IQSEC2: variants seen among roughly 807,000 people sequenced by gnomAD.
IQSEC2 encodes the protein IQ motif and Sec7 domain ArfGEF 2.
Under a neutral mutation model 74.6 loss-of-function variants are expected in IQSEC2, and 6 were observed. The ratio of observed to expected loss-of-function variants is 0.08; its 90% CI spans 0.04 to 0.16. The LOEUF (loss-of-function observed/expected upper bound fraction) is 0.16. IQSEC2 is among the 10% of genes least tolerant of loss of function. The pLI, the probability that IQSEC2 is intolerant of heterozygous loss-of-function variation, is 1.00. For missense variants in IQSEC2, 734 were observed against 1,306.2 expected (o/e 0.56, Z 6.75); for synonymous variants, 494 against 544.5 (o/e 0.91, Z 1.29).
intron 1 of IQSEC2, among the ~76,000 whole-genome samples, chrX:53,315,953 C>G (rs1249903100): frequency 8.9e-6 from 1 of 111,812 alleles, no homozygotes; most frequent in East Asian, 2.8e-4. Flanking sequence ...TTCCATACCC[C>G]TCATCCCTCA....
chrX:53,317,671 T>C (rs371577665), intron 1 of IQSEC2, among the ~76,000 whole-genome samples: 14 of 112,025 alleles, frequency 1.2e-4, no homozygotes, highest in African/African-American at 4.5e-4. Context: ...AGGGGGAGCC[T>C]GGGGACCAAG....
At chrX:53,303,200 C>CA (rs374516627) in intron 1 of IQSEC2, among the ~76,000 whole-genome samples, 7,597 of 63,145 alleles carry the variant, frequency 0.12, 595 homozygotes, top group African/African-American at 0.29. Context: ...GAGACTCTGT[C>CA]AAAAAAAAAA....
chrX:53,267,801 G>A (rs182895551), intron 2 of IQSEC2, among the ~76,000 whole-genome samples: 4 of 111,962 alleles, frequency 3.6e-5, no homozygotes, highest in African/African-American at 1.3e-4. Context: ...CAGTTTCCTC[G>A]TCTGTAAAAA....
At chrX:53,275,093 C>T (rs1233138935) in intron 2 of IQSEC2, among the ~76,000 whole-genome samples, 1 of 111,567 alleles carries the variant, frequency 9.0e-6, no homozygotes, top group African/African-American at 3.3e-5. Context: ...TTAAGTCATG[C>T]TCAGGAAGGC....
chrX:53,227,570 A>G (rs140593973), downstream of IQSEC2: 326 of 304,875 alleles, frequency 1.1e-3, no homozygotes, highest in African/African-American at 8.2e-3. Flanking sequence ...TGGACTGCCC[A>G]TCGGGCAGCA....
intron 1 of IQSEC2, among the ~76,000 whole-genome samples, chrX:53,311,652 A>G (rs1484918545): frequency 1.8e-5 from 2 of 112,269 alleles, no homozygotes; most frequent in African/African-American, 3.2e-5. Context: ...ATGGTGGCTC[A>G]TGCCTGTAAT....
chrX:53,230,993 A>G (rs782714687), downstream of IQSEC2: 1 of 112,568 alleles, frequency 8.9e-6, no homozygotes, highest in East Asian at 2.8e-4. Flanking sequence ...GGGGCCCGGA[A>G]ACTTGGTACA....
At chrX:53,302,345 C>T (rs2075218941) in intron 1 of IQSEC2, among the ~76,000 whole-genome samples, 1 of 112,499 alleles carries the variant, frequency 8.9e-6, no homozygotes, top group Non-Finnish European at 1.9e-5. Flanking sequence ...AATCTCAGCT[C>T]CACAGGGCAG....
intron 7 of IQSEC2, 79 bp downstream of exon 7, chrX:53,248,033 CAG>C (rs782108139): frequency 9.1e-7 from 1 of 1,101,085 alleles, no homozygotes; most frequent in Non-Finnish European, 1.3e-6. Context: ...GTATGAGGCT[CAG>C]AGAAGTGACT....
intron 2 of IQSEC2, among the ~76,000 whole-genome samples, chrX:53,282,420 A>G (rs782782870): frequency 9.8e-5 from 11 of 112,411 alleles, no homozygotes; most frequent in Non-Finnish European, 1.7e-4. Context: ...GAAAGGAGAG[A>G]GTTTTTTGGC....
intron 2 of IQSEC2, among the ~76,000 whole-genome samples, chrX:53,271,491 CT>C (rs1556868670): frequency 9.0e-6 from 1 of 111,681 alleles, no homozygotes; most frequent in African/African-American, 3.3e-5. Flanking sequence ...TCATCCTCGC[CT>C]CTTCCCTTTC....
At chrX:53,229,004 T>C (rs2074053764), downstream of IQSEC2, 1 of 112,265 alleles carries the variant, frequency 8.9e-6, no homozygotes, top group Non-Finnish European at 1.9e-5. Context: ...TATAAGTAAA[T>C]AAAGTGAGAG....
intron 13 of IQSEC2, 89 bp downstream of exon 13, chrX:53,236,233 G>A: frequency 2.0e-6 from 2 of 984,108 alleles, no homozygotes; most frequent in Non-Finnish European, 2.8e-6. Context: ...TGTGGCAGGT[G>A]GAGGGAAGGC....
chrX:53,287,167 T>C (rs2075041651), intron 2 of IQSEC2, among the ~76,000 whole-genome samples: 1 of 111,218 alleles, frequency 9.0e-6, no homozygotes, highest in African/African-American at 3.3e-5. Context: ...AGCCTCACAA[T>C]AGTCCCCTCA....
intron 1 of IQSEC2, among the ~76,000 whole-genome samples, chrX:53,294,069 G>A (rs2075127631): frequency 9.0e-6 from 1 of 111,700 alleles, no homozygotes; most frequent in Admixed American, 9.5e-5. Context: ...GCACTATGAC[G>A]GTGAGTTCCC....
chrX:53,264,744 C>T (rs1385829485), intron 2 of IQSEC2, among the ~76,000 whole-genome samples: 7 of 108,710 alleles, frequency 6.4e-5, no homozygotes, highest in African/African-American at 2.3e-4. Flanking sequence ...ACCACACCTC[C>T]CCACCCACCT....
intron 1 of IQSEC2, among the ~76,000 whole-genome samples, chrX:53,304,204 C>T (rs1260789548): frequency 1.8e-5 from 2 of 110,322 alleles, no homozygotes; most frequent in Non-Finnish European, 3.8e-5. Context: ...AAGAATCAGA[C>T]CTAGAAATGA....
intron 2 of IQSEC2, among the ~76,000 whole-genome samples, chrX:53,261,697 C>T (rs2074572100): frequency 8.9e-6 from 1 of 111,829 alleles, no homozygotes; most frequent in Non-Finnish European, 1.9e-5. Flanking sequence ...CGCCCATGTG[C>T]GCTGTCTGCT....
intron 2 of IQSEC2, among the ~76,000 whole-genome samples, chrX:53,257,559 GC>G (rs1194023838): frequency 9.1e-6 from 1 of 109,947 alleles, no homozygotes; most frequent in Non-Finnish European, 1.9e-5. Flanking sequence ...TGCCAGGACT[GC>G]AGGATCTTGC....
Sources: gnomAD v4.1 joint callset for allele counts (sites outside exome capture counted in the v4.1 genomes callset) on GRCh38, gnomAD v4.1.1 for gene constraint, MANE v1.5 for transcripts, NCBI Gene and HGNC (gene_info 2026-07-23, HGNC 2026-07-21) for gene names.